Variants in NGEF observed in about 807,000 individuals in gnomAD.
NGEF encodes the protein neuronal guanine nucleotide exchange factor.
Under a neutral mutation model 80.9 loss-of-function variants are expected in NGEF, and 31 were observed. The ratio of observed to expected loss-of-function variants is 0.38; its 90% CI spans 0.29 to 0.52. The LOEUF is 0.52. NGEF is among the 20% of genes least tolerant of loss of function. The pLI, the probability that NGEF is intolerant of heterozygous loss-of-function variation, is 0.84. For missense variants in NGEF, 709 were observed against 926.2 expected (o/e 0.77, Z 3.04); for synonymous variants, 371 against 370.2 (o/e 1.00, Z -0.03).
intron 8 of NGEF, among the ~76,000 whole-genome samples, chr2:232,889,140 CT>C (rs1456640237): frequency 6.6e-6 from 1 of 152,212 alleles, no homozygotes; most frequent in African/African-American, 2.4e-5. Context: ...CACCTTCCTG[CT>C]TTTTCCATCC....
In NGEF at chr2:232,885,319, C is replaced by T; in HGVS notation, c.1398G>A (p.Gln466=). 1 of 1,614,202 alleles carries T rather than the reference C, an allele frequency of 6.2e-7. No homozygotes were observed. Among genetic ancestry groups the T allele is most frequent in the Non-Finnish European group, 8.5e-7 (1 of 1,180,044 alleles). ...CCATCTTCTTCTGAATGCTGATCAT[C>T]TGTTCCGTGCGGCTCATTTTCCTGA... ...EGVRKMSRTE[Q]MISIQKKMEF... The change falls in exon 10 of 15, where the codon CAG becomes CAA. Residue 466 remains glutamine (Q), a synonymous_variant. Coordinates refer to ENST00000264051, the MANE Select transcript of NGEF (RefSeq NM_019850.3).
intron 3 of NGEF, among the ~76,000 whole-genome samples, chr2:232,938,190 G>T (rs1475068632): frequency 6.6e-6 from 1 of 152,184 alleles, no homozygotes; most frequent in Non-Finnish European, 1.5e-5. Flanking sequence ...AGATGGCCAA[G>T]AATTTTGCTC....
At position 232,891,461 on chromosome 2, in the gene NGEF, A is replaced by G; in HGVS notation, c.1169T>C (p.Leu390Pro). Residue 390 changes from leucine to proline, a missense_variant, in exon 8 of 15, where the codon CTG becomes CCG. Around this residue, in one of 2 missense-constraint regions of NGEF, gnomAD observed 426 missense variants for 622.9 expected, o/e 0.68. Coordinates refer to ENST00000264051, the MANE Select transcript of NGEF (RefSeq NM_019850.3). ...GGGGTCGAGCTCTAGCTGCGCGATCAGCTCCCGGAAAGCTGCCTTCTCCTG... is the reference window on the plus strand; with the variant it reads ...GGGGTCGAGCTCTAGCTGCGCGATCGGCTCCCGGAAAGCTGCCTTCTCCTG... ...LLQEKAAFRE[L>P]IAQLELDPKC... 6.2e-7 allele frequency: 1 copy of G among 1,613,218 alleles called. No individual in the cohort carries two copies. Among genetic ancestry groups the G allele is most frequent in the Non-Finnish European group, 8.5e-7 (1 of 1,179,916 alleles).
At chr2:232,966,632 C>T (rs1694065252) in intron 3 of NGEF, among the ~76,000 whole-genome samples, 1 of 152,124 alleles carries the variant, frequency 6.6e-6, no homozygotes, top group Non-Finnish European at 1.5e-5. Flanking sequence ...CAAACAAAAC[C>T]CAGTAGCCAG....
intron 3 of NGEF, among the ~76,000 whole-genome samples, chr2:232,942,255 T>C (rs10221939): frequency 0.14 from 20,628 of 152,214 alleles, 1,595 homozygotes; most frequent in South Asian, 0.28. Flanking sequence ...GATCACTTTA[T>C]TGGGAAGTTA....
chr2:232,977,638 G>A (rs116056241), intron 1 of NGEF, among the ~76,000 whole-genome samples: 1,590 of 152,272 alleles, frequency 0.01, 33 homozygotes, highest in African/African-American at 0.036. Context: ...GGGTGGGAGT[G>A]GGGGTGGATG....
intron 2 of NGEF, among the ~76,000 whole-genome samples, chr2:232,972,670 C>G (rs1324249949): frequency 6.6e-6 from 1 of 150,640 alleles, no homozygotes; most frequent in African/African-American, 2.4e-5. Flanking sequence ...GCCTAGCAAA[C>G]TAGCACAGCC....
At chr2:232,906,416 G>A (rs542849971) in intron 5 of NGEF, among the ~76,000 whole-genome samples, 5,583 of 85,350 alleles carry the variant, frequency 0.065, 1,192 homozygotes, top group Non-Finnish European at 0.099. Context: ...CCCCCCGCCC[G>A]GTCAGCCACC....
intron 1 of NGEF, among the ~76,000 whole-genome samples, chr2:233,009,900 T>C (rs1289846180): frequency 6.6e-6 from 1 of 152,142 alleles, no homozygotes; most frequent in Non-Finnish European, 1.5e-5. Flanking sequence ...CCACCTGTCC[T>C]GTCTCTCTTT....
At chr2:232,882,740 C>T (rs552375621) in intron 12 of NGEF, among the ~76,000 whole-genome samples, 1 of 152,316 alleles carries the variant, frequency 6.6e-6, no homozygotes, top group South Asian at 2.1e-4. Context: ...AGAGCCTCAG[C>T]TCCGCAGGCC....
chr2:232,953,374 AGAAAAGT>A (rs1423878592), intron 3 of NGEF, among the ~76,000 whole-genome samples: 73 of 95,036 alleles, frequency 7.7e-4, no homozygotes, highest in African/African-American at 2.1e-3. Flanking sequence ...AGAGAGAGAG[AGAAAAGT>A]GACCAGTGTG....
intron 3 of NGEF, among the ~76,000 whole-genome samples, chr2:232,934,241 CAAA>C (rs11329977): frequency 8.6e-4 from 85 of 98,818 alleles, no homozygotes; most frequent in South Asian, 2.5e-3. Context: ...GACTGCATCT[CAAA>C]AAAAAAAAAA....
chr2:232,965,485 C>T (rs1559227196), intron 3 of NGEF, among the ~76,000 whole-genome samples: 1 of 152,078 alleles, frequency 6.6e-6, no homozygotes, highest in Non-Finnish European at 1.5e-5. Context: ...AGACCTGACT[C>T]AGAATGCTAT....
intron 3 of NGEF, among the ~76,000 whole-genome samples, chr2:232,954,552 C>A (rs538278126): frequency 6.6e-6 from 1 of 151,810 alleles, no homozygotes; most frequent in African/African-American, 2.4e-5. Context: ...GGTGAAACGC[C>A]GTCTCTACTA....
chr2:232,941,944 T>TCCAGAAATTCCCCTTTC (rs1426789189), intron 3 of NGEF, among the ~76,000 whole-genome samples: 1 of 152,196 alleles, frequency 6.6e-6, no homozygotes, highest in East Asian at 1.9e-4. Context: ...TAGTCCCTTT[T>TCCAGAAATTCCCCTTTC]CCAGAAATTC....
intron 3 of NGEF, among the ~76,000 whole-genome samples, chr2:232,939,684 C>T (rs1201127951): frequency 1.3e-5 from 2 of 152,094 alleles, no homozygotes; most frequent in East Asian, 3.8e-4. Context: ...TGTTGAGTTA[C>T]CAGTACTAAT....
intron 4 of NGEF, among the ~76,000 whole-genome samples, chr2:232,922,963 G>A (rs62191806): frequency 1.8e-4 from 27 of 152,062 alleles, no homozygotes; most frequent in Non-Finnish European, 3.8e-4. Context: ...CCAGCTACTC[G>A]GGAGGCTGAG....
intron 5 of NGEF, among the ~76,000 whole-genome samples, chr2:232,895,256 G>A (rs1445313079): frequency 6.6e-6 from 1 of 152,182 alleles, no homozygotes; most frequent in Non-Finnish European, 1.5e-5. Flanking sequence ...GCTGGGCGTG[G>A]TGACTCACTC....
chr2:232,895,972 G>A (rs1692045456), intron 5 of NGEF, among the ~76,000 whole-genome samples: 1 of 152,128 alleles, frequency 6.6e-6, no homozygotes, highest in Non-Finnish European at 1.5e-5. Context: ...AAGGGCAGGT[G>A]GCAGATCCCG....
Sources: gnomAD v4.1 joint callset for allele counts (sites outside exome capture counted in the v4.1 genomes callset) on GRCh38, gnomAD v4.1.1 for gene constraint, gnomAD v4.1.1 regional missense constraint, MANE v1.5 for transcripts, NCBI Gene and HGNC (gene_info 2026-07-23, HGNC 2026-07-21) for gene names.